IPO11: variants seen among roughly 807,000 people sequenced by gnomAD.
The protein encoded by IPO11 is importin 11, also known as importin-11.
IPO11 carries 66 observed loss-of-function variants against 143.2 expected under a neutral mutation model. The ratio of observed to expected loss-of-function variants is 0.46; its 90% CI spans 0.38 to 0.57. The LOEUF (loss-of-function observed/expected upper bound fraction) is 0.57. Among genes scored for constraint, IPO11 ranks in the 20% least tolerant of loss-of-function variants. The pLI is 0.00. For missense variants in IPO11, 1,026 were observed against 1,141.0 expected (o/e 0.90, Z 1.45); for synonymous variants, 385 against 377.8 (o/e 1.02, Z -0.22).
intron 29 of IPO11, among the ~76,000 whole-genome samples, chr5:62,611,948 G>A (rs899725335): frequency 2.0e-5 from 3 of 152,016 alleles, no homozygotes; most frequent in African/African-American, 7.2e-5. Flanking sequence ...TTCTGTATGT[G>A]GAAGTTGCCA....
At chr5:62,434,688 T>C (rs866785533) in intron 1 of IPO11, among the ~76,000 whole-genome samples, 25 of 152,234 alleles carry the variant, frequency 1.6e-4, no homozygotes, top group Non-Finnish European at 1.2e-4. Flanking sequence ...TAAAAAATAT[T>C]GGTTACATGT....
intron 11 of IPO11, 24 bp from the exon 12 acceptor site, chr5:62,485,395 A>T (rs1746362349): frequency 6.3e-7 from 1 of 1,576,364 alleles, no homozygotes; most frequent in East Asian, 2.2e-5. Flanking sequence ...TGAAAATGTC[A>T]TTATTACATA....
chr5:62,568,365 C>T (rs1303713777), intron 27 of IPO11, among the ~76,000 whole-genome samples: 1 of 150,446 alleles, frequency 6.6e-6, no homozygotes, highest in Non-Finnish European at 1.5e-5. Context: ...TCAGTTTGTC[C>T]ATTGTAGTTT....
intron 29 of IPO11, among the ~76,000 whole-genome samples, chr5:62,616,527 C>A (rs1199690190): frequency 6.6e-6 from 1 of 151,884 alleles, no homozygotes; most frequent in African/African-American, 2.4e-5. Flanking sequence ...TGAGACCAGC[C>A]TGGCCACCAT....
In IPO11 at chr5:62,578,974, T is replaced by G. The variant is rs114652981; in HGVS notation, c.2583-12603T>G. 4.7e-3 allele frequency: 1,134 copies of G among 239,376 alleles called. 15 individuals are homozygous for G. Among genetic ancestry groups the G allele is most frequent in the African/African-American group, 0.025 (1,063 of 42,942 alleles). 14.8% of individuals were successfully genotyped at this position (239,376 alleles called of 1,614,324 possible). A position where few individuals can be genotyped will look rare whatever the true frequency, so the allele number is the denominator to read the frequency against. Reference sequence around the variant, plus strand: ...CTTAAATATGAACTTCTAGCTGACATGAAAAATAGTTCTGTGAAAAACTGT... The same window carrying G: ...CTTAAATATGAACTTCTAGCTGACAGGAAAAATAGTTCTGTGAAAAACTGT... On this transcript the variant is annotated intron_variant, in intron 27 of 29. Transcript: ENST00000325324.
chr5:62,579,509 T>A (rs931245446), intron 27 of IPO11: 2 of 1,551,028 alleles, frequency 1.3e-6, no homozygotes. Flanking sequence ...CTTTTATTAT[T>A]ACTCCACAAA....
chr5:62,578,738 TTGAC>T (rs1561370731), intron 27 of IPO11: 1 of 468,404 alleles, frequency 2.1e-6, no homozygotes, highest in Admixed American at 2.4e-5. Flanking sequence ...GTTTTACACA[TTGAC>T]TGTAAAGGAA....
At chr5:62,611,708 A>G (rs1409228744) in intron 29 of IPO11, among the ~76,000 whole-genome samples, 1 of 152,172 alleles carries the variant, frequency 6.6e-6, no homozygotes, top group Non-Finnish European at 1.5e-5. Context: ...CTCAAGGTAA[A>G]TAAAATCTTC....
rs867790104 is a variant in IPO11, at chr5:62,437,538, G to A, written c.138+121G>A. ...TAGATTCAGATGTTTGGCTGCTGAT[G>A]CCTTTGCCATTATCTTATTACTTTA... On this transcript the variant is annotated intron_variant, in intron 2 of 29. Transcript: ENST00000325324. 95 of 714,718 alleles carry A rather than the reference G, an allele frequency of 1.3e-4. No individual in the cohort carries two copies. In the Middle Eastern group the frequency reaches 2.5e-3, roughly 19 times the overall value. The allele number at this position is 714,718 out of a possible 1,614,324, so 44.3% of individuals were successfully genotyped here. A position where few individuals can be genotyped will look rare whatever the true frequency, so the allele number is the denominator to read the frequency against.
At chr5:62,620,737 T>G (rs1746325479) in intron 29 of IPO11, among the ~76,000 whole-genome samples, 1 of 152,190 alleles carries the variant, frequency 6.6e-6, no homozygotes, top group Admixed American at 6.5e-5. Flanking sequence ...TCAAAGAGAA[T>G]AAATTATAAA....
chr5:62,413,433 T>A (rs1743186616), intron 1 of IPO11: 1 of 152,174 alleles, frequency 6.6e-6, no homozygotes. Context: ...AGAGAGGAGC[T>A]TCATGGAGAG....
chr5:62,447,032 A>T (rs1215663579), intron 3 of IPO11, among the ~76,000 whole-genome samples: 1 of 151,786 alleles, frequency 6.6e-6, no homozygotes, highest in African/African-American at 2.4e-5. Flanking sequence ...TTTGATGAAC[A>T]GAAGCCCTTA....
intron 27 of IPO11, chr5:62,579,051 T>A (rs952121111): frequency 1.7e-5 from 4 of 240,604 alleles, no homozygotes; most frequent in Non-Finnish European, 3.3e-5. Flanking sequence ...TAAATTATAA[T>A]GTTATTTGAT....
intron 29 of IPO11, among the ~76,000 whole-genome samples, chr5:62,611,651 G>T (rs7729526): frequency 0.61 from 93,174 of 152,002 alleles, 29,027 homozygotes; most frequent in African/African-American, 0.7. Flanking sequence ...GATGAATTCA[G>T]TAACTTTGCC....
intron 27 of IPO11, chr5:62,580,117 C>T: frequency 1.9e-6 from 3 of 1,550,826 alleles, no homozygotes; most frequent in South Asian, 1.2e-5. Flanking sequence ...CTTTGAAGTA[C>T]TTAAAAGTCT....
chr5:62,621,390 G>A (rs1444079593), intron 29 of IPO11, among the ~76,000 whole-genome samples: 1 of 152,102 alleles, frequency 6.6e-6, no homozygotes. Context: ...TCCCCATCTC[G>A]CAGATTGAAT....
intron 26 of IPO11, among the ~76,000 whole-genome samples, chr5:62,555,811 G>A (rs114087530): frequency 0.092 from 14,006 of 152,098 alleles, 664 homozygotes; most frequent in South Asian, 0.15. Flanking sequence ...CCCCACACCT[G>A]GCTAATTTTT....
At chr5:62,504,801 T>C in intron 17 of IPO11, 57 bp from the exon 18 acceptor site, 3 of 1,352,548 alleles carry the variant, frequency 2.2e-6, no homozygotes, top group Non-Finnish European at 3.1e-6. Context: ...TTGTTTTAGA[T>C]ACAGATTTAT....
chr5:62,598,492 CTCTT>C (rs1561380790), intron 28 of IPO11, among the ~76,000 whole-genome samples: 30 of 2,756 alleles, frequency 0.011, 1 homozygote, highest in Non-Finnish European at 0.013. Flanking sequence ...CTCTCTCTCT[CTCTT>C]TCTTTCTTTC....
Sources: allele counts gnomAD v4.1 joint callset (sites outside exome capture counted in the v4.1 genomes callset), GRCh38; gene constraint gnomAD v4.1.1; transcripts MANE v1.5; gene names NCBI Gene and HGNC (gene_info 2026-07-23, HGNC 2026-07-21).